Variants in TTF2 observed in about 807,000 individuals in gnomAD.
The protein encoded by TTF2 is transcription termination factor 2.
Under a neutral mutation model 142.4 loss-of-function variants are expected in TTF2, and 108 were observed. The ratio of observed to expected loss-of-function variants is 0.76; its 90% CI spans 0.65 to 0.89. The LOEUF (loss-of-function observed/expected upper bound fraction) is 0.89, where lower values mean the gene tolerates loss of function less well. TTF2 is among the 40% of genes least tolerant of loss of function. TTF2 has a pLI of 0.00. For missense variants in TTF2, 1,327 were observed against 1,379.8 expected (o/e 0.96, Z 0.61); for synonymous variants, 483 against 506.2 (o/e 0.95, Z 0.61).
chr1:117,079,782 G>GA lies in TTF2; in HGVS notation c.1783+136dup, dbSNP rs1202039036. 7.0e-6 allele frequency: 6 copies of GA among 861,592 alleles called. No homozygotes were observed. Among genetic ancestry groups the GA allele is most frequent in the Non-Finnish European group, 1.1e-5 (6 of 542,070 alleles). The allele number at this position is 861,592 out of a possible 1,614,324, so 53.4% of individuals were successfully genotyped here. On this transcript the variant is annotated intron_variant, in intron 9 of 22. Coordinates refer to ENST00000369466, the MANE Select transcript of TTF2 (RefSeq NM_003594.4). This position sits in a 1 kb window ranked among gnomAD's most constrained non-coding sequence, Gnocchi z 4.2. ...TATTATTCCTCATTTTACAGATGAT[G>GA]AAAGTGAAGCATGGAAGTGTTAAGC... is the stretch of plus-strand genomic sequence containing the variant.
At chr1:117,066,509 G>A (rs1318197829) in intron 3 of TTF2, among the ~76,000 whole-genome samples, 1 of 152,096 alleles carries the variant, frequency 6.6e-6, no homozygotes, top group Non-Finnish European at 1.5e-5. Context: ...TGGAGGACTT[G>A]GAGAGAGAAC....
Position 117,084,121 on chromosome 1 carries a change from A to G in TTF2, c.2007A>G (p.Leu669=). 6.2e-7 allele frequency: 1 copy of G among 1,614,162 alleles called. No homozygotes were observed. The highest frequency in any genetic ancestry group is 8.5e-7 in the Non-Finnish European group (1 of 1,180,034). ...AGAAACGGGTGAACAGCAACAAACT[A>G]AGAGTCTATCTCTACCATGGGCCAA... is the stretch of plus-strand genomic sequence containing the variant. ...EVEKRVNSNK[L]RVYLYHGPNR... The change falls in exon 11 of 23, where the codon CTA becomes CTG. Residue 669 remains leucine, a synonymous_variant. Coordinates refer to ENST00000369466, the MANE Select transcript of TTF2 (RefSeq NM_003594.4).
chr1:117,079,386 A>G lies in TTF2; in HGVS notation c.1702-182A>G, dbSNP rs968404274. On this transcript the variant is annotated intron_variant, in intron 8 of 22. Transcript: ENST00000369466. This position sits in a 1 kb window ranked among gnomAD's most constrained non-coding sequence, Gnocchi z 4.2. Reference sequence around the variant, plus strand: ...AACCCAAAACAAACAGGGGCAGACCAGGACAGTATGGTTACCCTTGAGAGA... The same window carrying G: ...AACCCAAAACAAACAGGGGCAGACCGGGACAGTATGGTTACCCTTGAGAGA... 6.6e-6 allele frequency among the ~76,000 whole-genome samples: 1 copy of G among 152,230 alleles called. No individual in the cohort carries two copies. Among genetic ancestry groups the G allele is most frequent in the African/African-American group, 2.4e-5 (1 of 41,462 alleles).
At position 117,100,336 on chromosome 1, in the gene TTF2, A is replaced by G. The variant is rs1649485869; in HGVS notation, c.3345-1044A>G. On this transcript the variant is annotated intron_variant, in intron 22 of 22. Coordinates refer to ENST00000369466, the MANE Select transcript of TTF2 (RefSeq NM_003594.4). The surrounding 1 kb of genome is among the most constrained non-coding windows in gnomAD (Gnocchi z 4.6). ...TTATATTTTCTAAATGTTTCTGATA[A>G]CCATTTCTTCCTTCCCATGCCCACT... Among the ~76,000 whole-genome samples, 1 of 152,116 alleles carries G rather than the reference A, an allele frequency of 6.6e-6. No individual in the cohort carries two copies. Among genetic ancestry groups the G allele is most frequent in the Non-Finnish European group, 1.5e-5 (1 of 68,014 alleles).
chr1:117,094,196 A>G (rs372020707), intron 18 of TTF2, among the ~76,000 whole-genome samples: 1 of 152,290 alleles, frequency 6.6e-6, no homozygotes, highest in Middle Eastern at 3.4e-3. Context: ...GACATCCTAG[A>G]ATGTGGGAGC....
At chr1:117,083,701 T>G (rs1242177609) in intron 10 of TTF2, among the ~76,000 whole-genome samples, 1 of 152,214 alleles carries the variant, frequency 6.6e-6, no homozygotes, top group African/African-American at 2.4e-5. Context: ...AGTGTTTCAG[T>G]TTAAAAGACC....
chr1:117,085,734 AAAAT>A lies in TTF2; in HGVS notation c.2055-671_2055-668del, dbSNP rs778623344. ...AGAGTGAGACCCTACCTTGTCTCAA[AAAAT>A]AAATAAATAAAATAAAGTATTTATT... On this transcript the variant is annotated intron_variant, in intron 11 of 22. Transcript: ENST00000369466. This position sits in a 1 kb window ranked among gnomAD's most constrained non-coding sequence, Gnocchi z 4.7. Among the ~76,000 whole-genome samples, 2 of 152,114 alleles carry A rather than the reference AAAAT, an allele frequency of 1.3e-5. No homozygotes were observed. Among genetic ancestry groups the A allele is most frequent in the African/African-American group, 2.4e-5 (1 of 41,434 alleles).
chr1:117,095,227 A>G, intron 18 of TTF2, 82 bp from the exon 19 acceptor site: 2 of 1,307,452 alleles, frequency 1.5e-6, no homozygotes. Context: ...GCCATGTAGG[A>G]GGCTGCTTCG....
chr1:117,068,543 T>TA (rs200495319), intron 3 of TTF2, among the ~76,000 whole-genome samples: 5,217 of 114,488 alleles, frequency 0.046, 243 homozygotes, highest in African/African-American at 0.14. Context: ...TAAAGTGTAA[T>TA]AAAAAAAAAA....
chr1:117,095,214 G>C, intron 18 of TTF2, 95 bp from the exon 19 acceptor site: 1 of 1,151,852 alleles, frequency 8.7e-7, no homozygotes, highest in Non-Finnish European at 1.3e-6. Context: ...CCAGAGCACA[G>C]ACGCCATGTA....
chr1:117,075,687 GC>G lies in TTF2; in HGVS notation c.1108del (p.Leu370TyrfsTer9), dbSNP rs745690156. 1.6e-4 allele frequency: 252 copies of G among 1,614,026 alleles called. No homozygotes were observed. The highest frequency in any genetic ancestry group is 2.0e-4 in the Non-Finnish European group (232 of 1,180,022). On this transcript the variant is annotated frameshift_variant, in exon 5 of 23. Coordinates refer to ENST00000369466, the MANE Select transcript of TTF2 (RefSeq NM_003594.4). LOFTEE classifies it high-confidence loss of function. This position sits in a 1 kb window ranked among gnomAD's most constrained non-coding sequence, Gnocchi z 4.5. Reference sequence around the variant, plus strand: ...GTTTTTGTTTCCTCTAAGCCTGGGAGCCCCCTACTCTTTGACTCGACTCTGG... The same window carrying G: ...GTTTTTGTTTCCTCTAAGCCTGGGAGCCCCTACTCTTTGACTCGACTCTGG... Reference protein sequence around the residue: ...DVVFVSSKPGSPLLFDSTLDL... With the variant: ...DVVFVSSKPGXPLLFDSTLDL...
intron 2 of TTF2, among the ~76,000 whole-genome samples, chr1:117,061,219 G>A (rs1380321074): frequency 6.6e-6 from 1 of 151,292 alleles, no homozygotes; most frequent in Non-Finnish European, 1.5e-5. Flanking sequence ...GTGAAATCCC[G>A]TCTCTACGAA....
At chr1:117,072,527 C>T (rs1346257367) in intron 3 of TTF2, among the ~76,000 whole-genome samples, 1 of 147,080 alleles carries the variant, frequency 6.8e-6, no homozygotes. Context: ...CGGGTTCAAG[C>T]GATTCTCCTG....
chr1:117,074,158 A>G (rs1656802766), intron 4 of TTF2, among the ~76,000 whole-genome samples: 1 of 152,142 alleles, frequency 6.6e-6, no homozygotes, highest in Non-Finnish European at 1.5e-5. Flanking sequence ...GTGAGGAACT[A>G]GAAGTAGGGA....
chr1:117,062,681 C>T (rs927255486), intron 3 of TTF2, among the ~76,000 whole-genome samples: 1 of 152,132 alleles, frequency 6.6e-6, no homozygotes, highest in Admixed American at 6.5e-5. Context: ...GTAATTTTCA[C>T]GTAAATGGCT....
chr1:117,090,328 T>C lies in TTF2; in HGVS notation c.2496+120T>C, dbSNP rs931048166. On this transcript the variant is annotated intron_variant, in intron 14 of 22. Transcript: ENST00000369466. The surrounding 1 kb of genome is among the most constrained non-coding windows in gnomAD (Gnocchi z 4.8). The stretch of plus-strand genomic sequence containing the variant: ...AGCCTCTGAGTTTCCCATCCTCCTG[T>C]GAGGAGGCCCCAGGGTTGCAGTTCC... The C allele has an allele frequency of 7.2e-7, 1 of 1,379,628 alleles. No homozygotes were observed. Among genetic ancestry groups the C allele is most frequent in the Non-Finnish European group, 9.9e-7 (1 of 1,007,568 alleles). 85.5% of individuals were successfully genotyped at this position (1,379,628 alleles called of 1,614,324 possible).
chr1:117,104,868 G>T lies in TTF2; in HGVS notation c.*3344G>T, dbSNP rs1649833393. 1 of 152,154 alleles carries T rather than the reference G, an allele frequency of 6.6e-6. No homozygotes were observed. 9.4% of individuals were successfully genotyped at this position (152,154 alleles called of 1,614,324 possible). A position where few individuals can be genotyped will look rare whatever the true frequency, so the allele number is the denominator to read the frequency against. The stretch of plus-strand genomic sequence containing the variant: ...TAAGGGAGACAGGCATGAATTAACA[G>T]AAGTGGCATTCTGGTATCTGTCTCA... On this transcript the variant is annotated 3_prime_UTR_variant, in exon 23 of 23. Transcript: ENST00000369466.
At position 117,076,350 on chromosome 1, in the gene TTF2, T is replaced by A; in HGVS notation, c.1390+56T>A. ...TTTGCATCGACTTTACAAGAGACATTCGGGAAGCCCTTTTAATAAAGAATG... is the reference window on the plus strand; with the variant it reads ...TTTGCATCGACTTTACAAGAGACATACGGGAAGCCCTTTTAATAAAGAATG... On this transcript the variant is annotated intron_variant, in intron 6 of 22. Coordinates refer to ENST00000369466, the MANE Select transcript of TTF2 (RefSeq NM_003594.4). The surrounding 1 kb of genome is among the most constrained non-coding windows in gnomAD (Gnocchi z 4.6). 7.2e-7 allele frequency: 1 copy of A among 1,380,108 alleles called. No individual in the cohort carries two copies. The highest frequency in any genetic ancestry group is 1.0e-6 in the Non-Finnish European group (1 of 989,546). 85.5% of individuals were successfully genotyped at this position (1,380,108 alleles called of 1,614,324 possible).
rs1647293970 is a variant in TTF2, at chr1:117,079,448, C to T, written c.1702-120C>T. ...AGGACTTCAAGGTGAAATGAACTGT[C>T]TACAGAATACTGAGGGAATCATTTG... On this transcript the variant is annotated intron_variant, in intron 8 of 22. Transcript: ENST00000369466. The surrounding 1 kb of genome is among the most constrained non-coding windows in gnomAD (Gnocchi z 4.2). 1 of 914,794 alleles carries T rather than the reference C, an allele frequency of 1.1e-6. No individual in the cohort carries two copies. The highest frequency in any genetic ancestry group is 1.7e-6 in the Non-Finnish European group (1 of 578,110). The allele number at this position is 914,794 out of a possible 1,614,324, so 56.7% of individuals were successfully genotyped here.
Sources: allele counts gnomAD v4.1 joint callset (sites outside exome capture counted in the v4.1 genomes callset), GRCh38; gene constraint gnomAD v4.1.1; non-coding constraint Gnocchi (gnomAD v3.1); transcripts MANE v1.5; gene names NCBI Gene and HGNC (gene_info 2026-07-23, HGNC 2026-07-21).